The following SLC4A10 variants were observed in gnomAD, a reference collection of about 807,000 sequenced individuals.
SLC4A10 encodes the protein sodium-driven chloride bicarbonate exchanger.
In SLC4A10, 42 loss-of-function variants were observed where a neutral mutation model predicts 137.7. The observed-to-expected ratio is 0.30, with a 90% CI of 0.24 to 0.39. The LOEUF (loss-of-function observed/expected upper bound fraction) is 0.39. Among genes scored for constraint, SLC4A10 ranks in the 10% least tolerant of loss-of-function variants. The probability of loss-of-function intolerance (pLI) is 1.00; values close to 1 mark genes in which losing one functional copy is unlikely to be tolerated. For missense variants in SLC4A10, 925 were observed against 1,355.0 expected, an observed-to-expected ratio of 0.68 and a Z score of 4.98; for synonymous variants, 474 against 464.1, an observed-to-expected ratio of 1.02 and a Z score of -0.27.
chr2:161,980,502 A>G (rs571859545), intron 26 of SLC4A10, among the ~76,000 whole-genome samples: 31 of 152,216 alleles, frequency 2.0e-4, no homozygotes, highest in African/African-American at 5.3e-4. Flanking sequence ...TACAAAAATT[A>G]GTTGGGTATG....
chr2:161,736,160 TTTTA>T (rs1367388896), intron 1 of SLC4A10, among the ~76,000 whole-genome samples: 2 of 152,136 alleles, frequency 1.3e-5, no homozygotes, highest in African/African-American at 2.4e-5. Flanking sequence ...ATGATTAATC[TTTTA>T]TTTATCTGTT....
chr2:161,958,435 C>A, intron 20 of SLC4A10, 52 bp from the exon 21 acceptor site: 1 of 1,496,732 alleles, frequency 6.7e-7, no homozygotes. Context: ...AATGCAAAAC[C>A]ACAATCTATT....
chr2:161,640,308 G>A (rs2105478667), intron 1 of SLC4A10, among the ~76,000 whole-genome samples: 1 of 152,002 alleles, frequency 6.6e-6, no homozygotes, highest in Non-Finnish European at 1.5e-5. Flanking sequence ...TTACAGTCTG[G>A]TACCACAGAG....
intron 1 of SLC4A10, among the ~76,000 whole-genome samples, chr2:161,732,226 C>G (rs534953923): frequency 1.3e-5 from 2 of 152,306 alleles, no homozygotes; most frequent in South Asian, 4.1e-4. Context: ...CATCTGTTTA[C>G]TCCCCAGAGG....
chr2:161,688,180 A>T (rs2041632942), intron 1 of SLC4A10, among the ~76,000 whole-genome samples: 1 of 152,226 alleles, frequency 6.6e-6, no homozygotes, highest in Admixed American at 6.5e-5. Context: ...AGAAAACAGT[A>T]AAAGTGTTAC....
chr2:161,818,276 CTGTT>C (rs2057298182), intron 3 of SLC4A10, among the ~76,000 whole-genome samples: 2 of 152,218 alleles, frequency 1.3e-5, no homozygotes, highest in East Asian at 1.9e-4. Flanking sequence ...ATTTGGCTCT[CTGTT>C]TGTCTGTTAT....
At chr2:161,678,348 C>G (rs923030647) in intron 1 of SLC4A10, among the ~76,000 whole-genome samples, 9 of 152,182 alleles carry the variant, frequency 5.9e-5, no homozygotes, top group African/African-American at 2.2e-4. Flanking sequence ...TAGAGAGGAA[C>G]TTGTACTGTA....
chr2:161,876,029 A>G (rs2061429886), intron 8 of SLC4A10, among the ~76,000 whole-genome samples: 1 of 152,122 alleles, frequency 6.6e-6, no homozygotes, highest in South Asian at 2.1e-4. Context: ...TTGGTCTTCT[A>G]TCTAATCTCA....
At chr2:161,681,708 T>C (rs1304499838) in intron 1 of SLC4A10, among the ~76,000 whole-genome samples, 1 of 152,134 alleles carries the variant, frequency 6.6e-6, no homozygotes, top group Non-Finnish European at 1.5e-5. Context: ...ATACTCTCTT[T>C]ATTAATATAC....
intron 1 of SLC4A10, among the ~76,000 whole-genome samples, chr2:161,699,443 G>A (rs746141081): frequency 6.6e-6 from 1 of 152,076 alleles, no homozygotes; most frequent in Non-Finnish European, 1.5e-5. Flanking sequence ...TAGCCACCCC[G>A]GCATAGAAAG....
At chr2:161,938,715 A>T (rs1259924669) in intron 15 of SLC4A10, among the ~76,000 whole-genome samples, 1 of 151,566 alleles carries the variant, frequency 6.6e-6, no homozygotes, top group Non-Finnish European at 1.5e-5. Flanking sequence ...AAGAGAAAAA[A>T]AAAAAAGAGA....
At chr2:161,807,039 G>A (rs2056052741) in intron 3 of SLC4A10, among the ~76,000 whole-genome samples, 1 of 152,154 alleles carries the variant, frequency 6.6e-6, no homozygotes, top group African/African-American at 2.4e-5. Flanking sequence ...GGAGGAGCAA[G>A]TCACATCTTA....
intron 1 of SLC4A10, among the ~76,000 whole-genome samples, chr2:161,644,068 C>CTTTTTTTTTTTTTTTTTTTTTTTTTT (rs5835873): frequency 7.0e-6 from 1 of 143,732 alleles, no homozygotes; most frequent in Non-Finnish European, 1.5e-5. Context: ...GGCTTCTAAT[C>CTTTTTTTTTTTTTTTTTTTTTTTTTT]TTTTTTTTTT....
intron 3 of SLC4A10, among the ~76,000 whole-genome samples, chr2:161,832,085 A>G (rs1299046947): frequency 6.6e-6 from 1 of 152,170 alleles, no homozygotes; most frequent in Non-Finnish European, 1.5e-5. Context: ...TGGGGCAACA[A>G]TCAGTGAGGA....
At chr2:161,856,393 ACAC>A (rs1353268059) in intron 5 of SLC4A10, among the ~76,000 whole-genome samples, 2 of 149,278 alleles carry the variant, frequency 1.3e-5, no homozygotes, top group Non-Finnish European at 3.0e-5. Context: ...ACACACACAC[ACAC>A]ACCACACTGC....
intron 2 of SLC4A10, among the ~76,000 whole-genome samples, chr2:161,782,494 G>A (rs547026115): frequency 1.3e-5 from 2 of 151,398 alleles, no homozygotes; most frequent in East Asian, 2.0e-4. Context: ...TTCCAAACTA[G>A]GTAACAGAAA....
At chr2:161,726,545 G>A (rs769273374) in intron 1 of SLC4A10, among the ~76,000 whole-genome samples, 1 of 152,110 alleles carries the variant, frequency 6.6e-6, no homozygotes, top group Non-Finnish European at 1.5e-5. Context: ...ATTATAAATT[G>A]GCAGTGGCAA....
intron 15 of SLC4A10, among the ~76,000 whole-genome samples, chr2:161,923,500 A>C (rs1688506207): frequency 6.6e-6 from 1 of 152,156 alleles, no homozygotes; most frequent in South Asian, 2.1e-4. Flanking sequence ...AATTCATTTA[A>C]TTTTATAATA....
intron 1 of SLC4A10, among the ~76,000 whole-genome samples, chr2:161,652,826 T>G (rs1000923819): frequency 6.8e-6 from 1 of 146,248 alleles, no homozygotes; most frequent in African/African-American, 2.5e-5. Context: ...ATTTATAGAA[T>G]GCTTCATACA....
Sources: allele counts gnomAD v4.1 joint callset (sites outside exome capture counted in the v4.1 genomes callset), GRCh38; gene constraint gnomAD v4.1.1; transcripts MANE v1.5; gene names NCBI Gene and HGNC (gene_info 2026-07-23, HGNC 2026-07-21).